The following WWTR1 variants were observed in gnomAD, a reference collection of about 807,000 sequenced individuals.
WWTR1 encodes the protein WW domain containing transcription regulator 1.
WWTR1 carries 13 observed loss-of-function variants against 40.1 expected under a neutral mutation model. That is an observed-to-expected ratio of 0.32 (90% confidence interval 0.21 to 0.52). The LOEUF (loss-of-function observed/expected upper bound fraction) is 0.52, where lower values mean the gene tolerates loss of function less well. Among genes scored for constraint, WWTR1 ranks in the 20% least tolerant of loss-of-function variants. The pLI is 0.97. For synonymous variants in WWTR1, 230 were observed against 210.1 expected (o/e 1.09, Z -0.82); for missense variants, 436 against 523.1 (o/e 0.83, Z 1.63).
At chr3:149,724,770 C>T (rs190970657) in exon 3 of WWTR1, 3 of 151,912 alleles carry the variant, frequency 2.0e-5, no homozygotes, top group Admixed American at 1.3e-4. Flanking sequence ...GCATCCAGTT[C>T]CATCACTTTT....
intron 2 of WWTR1, among the ~76,000 whole-genome samples, chr3:149,576,763 T>C (rs74487584): frequency 6.6e-6 from 1 of 152,096 alleles, no homozygotes; most frequent in Non-Finnish European, 1.5e-5. Context: ...TTTTTTTTTC[T>C]TATCTAAACT....
chr3:149,720,698 T>A (rs1319320991), intron 4 of WWTR1, among the ~76,000 whole-genome samples: 3 of 152,146 alleles, frequency 2.0e-5, no homozygotes, highest in Non-Finnish European at 4.4e-5. Flanking sequence ...AATCTGTAGA[T>A]CACTTTGGGT....
At chr3:149,707,877 G>A (rs551590467), upstream of WWTR1, among the ~76,000 whole-genome samples, 1 of 149,156 alleles carries the variant, frequency 6.7e-6, no homozygotes, top group Non-Finnish European at 1.5e-5. Context: ...ATACCAATTG[G>A]TATGGCCAAC....
intron 2 of WWTR1, among the ~76,000 whole-genome samples, chr3:149,602,947 A>C (rs1055265134): frequency 1.3e-5 from 2 of 152,134 alleles, no homozygotes; most frequent in Non-Finnish European, 2.9e-5. Context: ...GGCATGAGCC[A>C]CTGTGCCCGG....
intron 2 of WWTR1, 92 bp downstream of exon 2, chr3:149,656,784 C>G: frequency 9.7e-7 from 1 of 1,031,896 alleles, no homozygotes; most frequent in Non-Finnish European, 1.3e-6. Context: ...CTCTCTCTCT[C>G]TCTCTCTCAC....
chr3:149,554,348 T>C (rs1356875965), intron 3 of WWTR1, among the ~76,000 whole-genome samples: 2 of 152,228 alleles, frequency 1.3e-5, no homozygotes, highest in Non-Finnish European at 2.9e-5. Context: ...GCCCCAAGCC[T>C]GTCTAGTTTT....
At chr3:149,643,605 T>C (rs1712318796) in intron 2 of WWTR1, among the ~76,000 whole-genome samples, 1 of 152,212 alleles carries the variant, frequency 6.6e-6, no homozygotes, top group Non-Finnish European at 1.5e-5. Context: ...ATATGGAAAC[T>C]TGTGGGACTA....
rs376062567 is a variant in WWTR1 at position 149,684,800 on chromosome 3, G to A, written c.-107-14909C>T. 1.4e-4 allele frequency among the ~76,000 whole-genome samples: 22 copies of A among 152,240 alleles called. No homozygotes were observed. The East Asian group carries it at 3.7e-3, about 26-fold the overall frequency. The stretch of plus-strand genomic sequence containing the variant: ...GCTGCTTTCGAACTCCTGGGCTCGA[G>A]CAATCCTCCCACCTCTGCCTTTCAA... On this transcript the variant is annotated intron_variant, in intron 1 of 7. Coordinates refer to the WWTR1 transcript ENST00000465804.
At chr3:149,538,326 C>T (rs1456845930) in intron 4 of WWTR1, among the ~76,000 whole-genome samples, 18 of 151,064 alleles carry the variant, frequency 1.2e-4, no homozygotes, top group African/African-American at 4.4e-4. Context: ...CTTTTTTTTT[C>T]TAGAGTTGCC....
rs528732076 is a variant in WWTR1 at position 149,558,844 on chromosome 3, A to G, written c.568+14020T>C. ...TTATGGAAACAGGACAACTAAATGC[A>G]ATGTGAGATCCTCAATCACATCCTG... On this transcript the variant is annotated intron_variant, in intron 3 of 6. Coordinates refer to ENST00000360632, the MANE Select transcript of WWTR1 (RefSeq NM_015472.6). Among the ~76,000 whole-genome samples, 56 of 152,370 alleles carry G rather than the reference A, an allele frequency of 3.7e-4. No individual in the cohort carries two copies. In the South Asian group the frequency reaches 4.4e-3, roughly 12 times the overall value.
intron 2 of WWTR1, among the ~76,000 whole-genome samples, chr3:149,576,712 T>A (rs190002324): frequency 6.6e-6 from 1 of 152,300 alleles, no homozygotes; most frequent in East Asian, 1.9e-4. Flanking sequence ...CATATCAAAC[T>A]ATTTATGGTG....
At chr3:149,603,545 TC>T (rs1739346481) in intron 2 of WWTR1, among the ~76,000 whole-genome samples, 1 of 136,656 alleles carries the variant, frequency 7.3e-6, no homozygotes, top group Admixed American at 7.6e-5. Context: ...TTACAAAGGT[TC>T]CCCACCCCCC....
chr3:149,551,023 G>T (rs549866882), intron 3 of WWTR1, among the ~76,000 whole-genome samples: 1 of 144,408 alleles, frequency 6.9e-6, no homozygotes, highest in South Asian at 2.2e-4. Context: ...GGTAAAGCCG[G>T]CACGGTGGCT....
intron 2 of WWTR1, among the ~76,000 whole-genome samples, chr3:149,585,121 C>CGTG (rs1553795599): frequency 1.4e-5 from 2 of 144,314 alleles, no homozygotes; most frequent in Non-Finnish European, 3.0e-5. Flanking sequence ...TGATTTCTTT[C>CGTG]GTGTGTGTGT....
upstream of WWTR1, among the ~76,000 whole-genome samples, chr3:149,661,908 T>C (rs529172313): frequency 2.6e-5 from 4 of 152,024 alleles, no homozygotes; most frequent in African/African-American, 9.7e-5. Context: ...AATTTTTGTA[T>C]ATTTAGTAGA....
At chr3:149,558,144 A>T (rs1306858260) in intron 3 of WWTR1, among the ~76,000 whole-genome samples, 2 of 152,178 alleles carry the variant, frequency 1.3e-5, no homozygotes, top group African/African-American at 4.8e-5. Context: ...TAAACCTGTG[A>T]ATGGGCCCCA....
intron 1 of WWTR1, among the ~76,000 whole-genome samples, chr3:149,674,056 C>CAAAAAGA (rs1553732075): frequency 5.2e-4 from 63 of 121,870 alleles, no homozygotes; most frequent in African/African-American, 1.9e-3. Context: ...CTCGTCTCTA[C>CAAAAAGA]AAAAAAAAAA....
chr3:149,596,855 A>C (rs879263656), intron 2 of WWTR1, among the ~76,000 whole-genome samples: 1 of 152,240 alleles, frequency 6.6e-6, no homozygotes, highest in African/African-American at 2.4e-5. Flanking sequence ...TTGTGTTCCA[A>C]TAGTAGCTCC....
chr3:149,624,263 G>A (rs957061413), intron 2 of WWTR1, among the ~76,000 whole-genome samples: 5 of 152,230 alleles, frequency 3.3e-5, no homozygotes, highest in Non-Finnish European at 5.9e-5. Flanking sequence ...CGTTTGGGAT[G>A]TGGATGCCCA....
Sources: gnomAD v4.1 joint callset for allele counts (sites outside exome capture counted in the v4.1 genomes callset) on GRCh38, gnomAD v4.1.1 for gene constraint, MANE v1.5 for transcripts, NCBI Gene and HGNC (gene_info 2026-07-23, HGNC 2026-07-21) for gene names.